The following FRMD6 variants were observed in gnomAD, a reference collection of about 807,000 sequenced individuals.
The protein encoded by FRMD6 is FERM domain containing 6.
Under a neutral mutation model 73.2 loss-of-function variants are expected in FRMD6, and 37 were observed. The observed-to-expected ratio is 0.51, with a 90% CI of 0.39 to 0.66. FRMD6 has a LOEUF of 0.66. Among genes scored for constraint, FRMD6 ranks in the 30% least tolerant of loss-of-function variants. FRMD6 has a pLI of 0.00. For missense variants in FRMD6, 714 were observed against 780.5 expected (o/e 0.91, Z 1.02); for synonymous variants, 273 against 282.2 (o/e 0.97, Z 0.33).
intron 2 of FRMD6, among the ~76,000 whole-genome samples, chr14:51,641,350 T>C (rs905474186): frequency 3.9e-5 from 6 of 152,200 alleles, no homozygotes; most frequent in African/African-American, 1.2e-4. Flanking sequence ...GTGAAAAGCT[T>C]AGGTTTCCAA....
the FRMD6 span, among the ~76,000 whole-genome samples, chr14:51,461,027 T>C: frequency 6.6e-6 from 1 of 152,174 alleles, no homozygotes; most frequent in African/African-American, 2.4e-5. Flanking sequence ...TTGGTCAAAT[T>C]TGCTTTTATA....
chr14:51,494,533 T>C (rs1247460532), intron 1 of FRMD6, among the ~76,000 whole-genome samples: 1 of 152,194 alleles, frequency 6.6e-6, no homozygotes, highest in African/African-American at 2.4e-5. Context: ...TCCACTGGAG[T>C]GGCAGTTCTA....
rs1566584503 is a variant in FRMD6 at position 51,708,267 on chromosome 14, G to GA, written c.714+41dup. On this transcript the variant is annotated intron_variant, in intron 7 of 13. Coordinates refer to ENST00000344768, the MANE Select transcript of FRMD6 (RefSeq NM_001267046.2). ...CGGCAACTAAGTCTTCAGCTTCTGA[G>GA]AAAAAAACATCTTCTCAATAGGATT... The GA allele has an allele frequency of 3.8e-6, 6 of 1,587,572 alleles. No homozygotes were observed. In the African/African-American group the frequency reaches 5.4e-5, roughly 14 times the overall value.
intron 1 of FRMD6, among the ~76,000 whole-genome samples, chr14:51,551,127 C>G (rs913648686): frequency 1.3e-5 from 2 of 152,158 alleles, no homozygotes; most frequent in African/African-American, 4.8e-5. Context: ...ATTTACCCAG[C>G]ACATGTTTCA....
At chr14:51,595,043 CCTGGATTGTG>C (rs1172378639) in intron 2 of FRMD6, among the ~76,000 whole-genome samples, 7 of 152,134 alleles carry the variant, frequency 4.6e-5, no homozygotes, top group African/African-American at 1.7e-4. Flanking sequence ...GGTAGGGAGT[CCTGGATTGTG>C]CTAGACACCA....
chr14:51,442,813 A>G, the FRMD6 span, among the ~76,000 whole-genome samples: 1 of 152,356 alleles, frequency 6.6e-6, no homozygotes, highest in Non-Finnish European at 1.5e-5. Flanking sequence ...CCTCTTTAGT[A>G]TAACCATTTT....
intron 2 of FRMD6, among the ~76,000 whole-genome samples, chr14:51,608,088 T>C (rs1048153201): frequency 6.6e-6 from 1 of 152,212 alleles, no homozygotes; most frequent in African/African-American, 2.4e-5. Flanking sequence ...CCACACAGCT[T>C]TTTCTGGGAA....
intron 1 of FRMD6, among the ~76,000 whole-genome samples, chr14:51,557,019 G>A (rs1397714536): frequency 6.6e-6 from 1 of 152,154 alleles, no homozygotes; most frequent in Non-Finnish European, 1.5e-5. Context: ...GGGCATGGTG[G>A]TATGTGCCTA....
chr14:51,653,340 G>T (rs754507775), intron 1 of FRMD6, among the ~76,000 whole-genome samples: 1 of 152,166 alleles, frequency 6.6e-6, no homozygotes, highest in African/African-American at 2.4e-5. Flanking sequence ...AGAAAATGCT[G>T]TTGGAGAAAG....
At chr14:51,522,435 G>GT (rs1181416744) in intron 1 of FRMD6, among the ~76,000 whole-genome samples, 1 of 152,110 alleles carries the variant, frequency 6.6e-6, no homozygotes, top group Non-Finnish European at 1.5e-5. Flanking sequence ...TAGGCTTTCT[G>GT]TTTTTCAATT....
chr14:51,721,702 GGAAGGA>G, intron 11 of FRMD6, among the ~76,000 whole-genome samples: 1 of 132,330 alleles, frequency 7.6e-6, no homozygotes, highest in Non-Finnish European at 1.6e-5. Flanking sequence ...CAGGAAGGAA[GGAAGGA>G]AGGAAGGAAG....
intron 2 of FRMD6, among the ~76,000 whole-genome samples, chr14:51,697,330 G>A (rs185858979): frequency 5.6e-4 from 85 of 152,246 alleles, no homozygotes; most frequent in Admixed American, 1.0e-3. Flanking sequence ...ACACAATTCA[G>A]CCTTTAAAAA....
intron 1 of FRMD6, among the ~76,000 whole-genome samples, chr14:51,516,737 T>A (rs1024809769): frequency 2.0e-5 from 3 of 152,210 alleles, no homozygotes; most frequent in African/African-American, 7.2e-5. Context: ...TTTATTTTGA[T>A]GGCACTTAGA....
chr14:51,553,048 CA>C (rs1292859663), intron 1 of FRMD6, among the ~76,000 whole-genome samples: 1 of 152,162 alleles, frequency 6.6e-6, no homozygotes, highest in African/African-American at 2.4e-5. Context: ...AGTGAATTGG[CA>C]AGCAGATCAG....
At chr14:51,636,526 A>AG (rs1372510824) in intron 2 of FRMD6, among the ~76,000 whole-genome samples, 1 of 152,234 alleles carries the variant, frequency 6.6e-6, no homozygotes, top group East Asian at 1.9e-4. Flanking sequence ...CTTGTGTTGA[A>AG]GATGGCTCAG....
At chr14:51,403,129 G>C in the FRMD6 span, among the ~76,000 whole-genome samples, 1 of 152,112 alleles carries the variant, frequency 6.6e-6, no homozygotes, top group Non-Finnish European at 1.5e-5. Flanking sequence ...GATAAAAGTA[G>C]ATATATAAAC....
At chr14:51,684,776 A>C (rs1285612475) in intron 1 of FRMD6, among the ~76,000 whole-genome samples, 1 of 152,054 alleles carries the variant, frequency 6.6e-6, no homozygotes, top group Admixed American at 6.6e-5. Context: ...AGTTTAAAAA[A>C]CCCTTCAGTA....
chr14:51,439,548 A>G, the FRMD6 span, among the ~76,000 whole-genome samples: 3 of 152,202 alleles, frequency 2.0e-5, no homozygotes, highest in African/African-American at 4.8e-5. Context: ...AGAAGAGAGT[A>G]ATACTGCATC....
At chr14:51,538,104 C>T (rs1281459917) in intron 1 of FRMD6, among the ~76,000 whole-genome samples, 1 of 152,050 alleles carries the variant, frequency 6.6e-6, no homozygotes, top group Non-Finnish European at 1.5e-5. Flanking sequence ...TAGATTTTCT[C>T]TTGTGTTTTC....
Sources: allele counts gnomAD v4.1 joint callset (sites outside exome capture counted in the v4.1 genomes callset), GRCh38; gene constraint gnomAD v4.1.1; transcripts MANE v1.5; gene names NCBI Gene and HGNC (gene_info 2026-07-23, HGNC 2026-07-21).